Variants in PRKCQ observed in about 807,000 individuals in gnomAD.
The protein encoded by PRKCQ is protein kinase C theta, also known as protein kinase C theta type.
PRKCQ carries 41 observed loss-of-function variants against 91.2 expected under a neutral mutation model. The observed-to-expected ratio is 0.45, with a 90% confidence interval of 0.35 to 0.58. PRKCQ has a LOEUF of 0.58. Among genes scored for constraint, PRKCQ ranks in the 20% least tolerant of loss-of-function variants. The pLI, the probability that PRKCQ is intolerant of heterozygous loss-of-function variation, is 0.00. For missense variants in PRKCQ, 673 were observed against 896.5 expected, an observed-to-expected ratio of 0.75 and a Z score of 3.18; for synonymous variants, 307 against 316.9, an observed-to-expected ratio of 0.97 and a Z score of 0.33.
intron 1 of PRKCQ, among the ~76,000 whole-genome samples, chr10:6,577,266 T>C (rs1405081436): frequency 1.3e-5 from 2 of 152,206 alleles, no homozygotes; most frequent in Non-Finnish European, 2.9e-5. Flanking sequence ...GAATTTGACA[T>C]GTATAAATGC....
At chr10:6,574,934 T>C (rs1841173501) in intron 1 of PRKCQ, among the ~76,000 whole-genome samples, 1 of 149,956 alleles carries the variant, frequency 6.7e-6, no homozygotes, top group South Asian at 2.2e-4. Context: ...AATCTAGCTG[T>C]GCACATAATA....
chr10:6,448,909 C>T (rs1834483239), intron 15 of PRKCQ, among the ~76,000 whole-genome samples: 1 of 151,960 alleles, frequency 6.6e-6, no homozygotes, highest in Admixed American at 6.6e-5. Context: ...ACAGAAAGGA[C>T]ATCCACACCA....
upstream of PRKCQ, chr10:6,580,559 A>C (rs571288115): frequency 6.6e-6 from 1 of 152,484 alleles, no homozygotes; most frequent in Non-Finnish European, 1.5e-5. Flanking sequence ...AGGGCCCAGG[A>C]CAGCCCCGGG....
intron 15 of PRKCQ, among the ~76,000 whole-genome samples, chr10:6,450,818 G>C (rs893080723): frequency 6.6e-6 from 1 of 152,150 alleles, no homozygotes; most frequent in Admixed American, 6.5e-5. Context: ...ATCTGCTCCT[G>C]AATGACTACT....
downstream of PRKCQ, among the ~76,000 whole-genome samples, chr10:6,424,442 C>T (rs79367575): frequency 2.1e-3 from 325 of 152,290 alleles, 7 homozygotes; most frequent in East Asian, 0.054. Context: ...CCTCTCCTTC[C>T]GCAGTCCGAT....
chr10:6,485,142 G>C lies in PRKCQ; in HGVS notation c.1018+10C>G, dbSNP rs766351689. The C allele has an allele frequency of 1.4e-5, 22 of 1,607,226 alleles. No homozygotes were observed. The highest frequency in any genetic ancestry group is 5.0e-5 in the Admixed American group (3 of 59,980). On this transcript the variant is annotated intron_variant, in intron 10 of 17. Transcript: ENST00000263125. The stretch of plus-strand genomic sequence containing the variant: ...CTGACAGTGATTAGACTGCTGATCA[G>C]GACAGCTACCTCTTTTTCCCGGTGT...
At position 6,430,703 on chromosome 10, in the gene PRKCQ, A is replaced by G; in HGVS notation, c.1965+107T>C. ...CTCCTGGAGAGTGGGGCTGGTGGGG[A>G]GTTGGGGCACCGGCAGGGGTGAGCA... On this transcript the variant is annotated intron_variant, in intron 17 of 17. Coordinates refer to ENST00000263125, the MANE Select transcript of PRKCQ (RefSeq NM_006257.5). The surrounding 1 kb of genome is among the most constrained non-coding windows in gnomAD (Gnocchi z 4.7). 6.9e-7 allele frequency: 1 copy of G among 1,454,144 alleles called. No homozygotes were observed. Among genetic ancestry groups the G allele is most frequent in the Non-Finnish European group, 9.4e-7 (1 of 1,069,424 alleles). 90.1% of individuals were successfully genotyped at this position (1,454,144 alleles called of 1,614,324 possible). A position where few individuals can be genotyped will look rare whatever the true frequency, so the allele number is the denominator to read the frequency against.
At chr10:6,578,158 G>T (rs1370880669) in intron 1 of PRKCQ, among the ~76,000 whole-genome samples, 3 of 152,224 alleles carry the variant, frequency 2.0e-5, no homozygotes, top group Non-Finnish European at 4.4e-5. Flanking sequence ...AGGAGCTGAG[G>T]TGTGAATAAT....
At chr10:6,419,620 G>A in the PRKCQ span, among the ~76,000 whole-genome samples, 1 of 150,398 alleles carries the variant, frequency 6.6e-6, no homozygotes, top group Non-Finnish European at 1.5e-5. Flanking sequence ...TAATAAAATA[G>A]TTATTAATAT....
chr10:6,463,119 G>A (rs1835451536), intron 13 of PRKCQ, among the ~76,000 whole-genome samples: 1 of 152,138 alleles, frequency 6.6e-6, no homozygotes, highest in African/African-American at 2.4e-5. Flanking sequence ...GAACTAGCTG[G>A]TTTATTTTCG....
chr10:6,528,136 A>G (rs1223480963), intron 1 of PRKCQ, among the ~76,000 whole-genome samples: 1 of 151,898 alleles, frequency 6.6e-6, no homozygotes, highest in Non-Finnish European at 1.5e-5. Context: ...CTCCTTAAGC[A>G]CTGAGTTCCT....
chr10:6,449,902 C>G (rs1834556525), intron 15 of PRKCQ, among the ~76,000 whole-genome samples: 1 of 152,066 alleles, frequency 6.6e-6, no homozygotes, highest in Admixed American at 6.6e-5. Context: ...TTGTCACCAC[C>G]AGGCCTGCCC....
At chr10:6,449,134 C>A (rs963735164) in intron 15 of PRKCQ, among the ~76,000 whole-genome samples, 5 of 147,512 alleles carry the variant, frequency 3.4e-5, no homozygotes, top group African/African-American at 1.3e-4. Flanking sequence ...CAAACTACTC[C>A]GAGCTACAGG....
Position 6,430,756 on chromosome 10 carries a change from C to T in PRKCQ, c.1965+54G>A. The T allele has an allele frequency of 6.3e-7, 1 of 1,592,104 alleles. No homozygotes were observed. Among genetic ancestry groups the T allele is most frequent in the Admixed American group, 1.7e-5 (1 of 58,814 alleles). On this transcript the variant is annotated intron_variant, in intron 17 of 17. Coordinates refer to ENST00000263125, the MANE Select transcript of PRKCQ (RefSeq NM_006257.5). This position sits in a 1 kb window ranked among gnomAD's most constrained non-coding sequence, Gnocchi z 4.7. Reference sequence around the variant, plus strand: ...TGCGGTGACTTGGACAGGCAGACGGCCCTGAGCGGAGGGAGAGTGGCTGAC... The same window carrying T: ...TGCGGTGACTTGGACAGGCAGACGGTCCTGAGCGGAGGGAGAGTGGCTGAC...
chr10:6,401,363 C>T, the PRKCQ span, among the ~76,000 whole-genome samples: 30 of 152,186 alleles, frequency 2.0e-4, no homozygotes, highest in Non-Finnish European at 3.5e-4. Flanking sequence ...AAACCCCATA[C>T]TTCATCATAT....
intron 15 of PRKCQ, among the ~76,000 whole-genome samples, chr10:6,443,571 G>T (rs1304766439): frequency 6.6e-6 from 1 of 152,200 alleles, no homozygotes; most frequent in African/African-American, 2.4e-5. Flanking sequence ...AACAAATGCT[G>T]CAAGATCTCA....
At chr10:6,416,534 G>T in the PRKCQ span, among the ~76,000 whole-genome samples, 3 of 152,160 alleles carry the variant, frequency 2.0e-5, no homozygotes, top group Admixed American at 6.5e-5. Context: ...TGCTGCAAAA[G>T]ACATTATTTC....
intron 8 of PRKCQ, among the ~76,000 whole-genome samples, chr10:6,486,846 GC>G (rs1652378688): frequency 6.6e-6 from 1 of 152,236 alleles, no homozygotes; most frequent in Non-Finnish European, 1.5e-5. Flanking sequence ...CCAGGAGGCA[GC>G]CTCAGCCTGC....
At chr10:6,433,576 A>G (rs557168000) in intron 16 of PRKCQ, among the ~76,000 whole-genome samples, 1 of 152,280 alleles carries the variant, frequency 6.6e-6, no homozygotes, top group South Asian at 2.1e-4. Flanking sequence ...AGTTCACGGT[A>G]AGATATATTT....
Sources: allele counts gnomAD v4.1 joint callset (sites outside exome capture counted in the v4.1 genomes callset), GRCh38; gene constraint gnomAD v4.1.1; non-coding constraint Gnocchi (gnomAD v3.1); transcripts MANE v1.5; gene names NCBI Gene and HGNC (gene_info 2026-07-23, HGNC 2026-07-21).